The following HNRNPUL1 variants were observed in gnomAD, a reference collection of about 807,000 sequenced individuals.
HNRNPUL1 encodes heterogeneous nuclear ribonucleoprotein U like 1, also known as heterogeneous nuclear ribonucleoprotein U-like protein 1.
In HNRNPUL1, 14 loss-of-function variants were observed where a neutral mutation model predicts 108.5. That is an observed-to-expected ratio of 0.13 (90% CI 0.09 to 0.20). HNRNPUL1 has a LOEUF of 0.20. Ranked by LOEUF, HNRNPUL1 falls within the 10% of genes least tolerant of loss-of-function variation. The pLI is 1.00. For missense variants in HNRNPUL1, 804 were observed against 1,168.3 expected (o/e 0.69, Z 4.55); for synonymous variants, 422 against 445.2 (o/e 0.95, Z 0.66).
chr19:41,294,398 G>A lies in HNRNPUL1; in HGVS notation c.1327G>A (p.Ala443Thr), dbSNP rs1441063753. 3 of 1,613,998 alleles carry A rather than the reference G, an allele frequency of 1.9e-6. No homozygotes were observed. Among genetic ancestry groups the A allele is most frequent in the Admixed American group, 3.3e-5 (2 of 59,988 alleles). Residue 443 changes from alanine to threonine, a missense_variant, in exon 9 of 15, where the codon GCC (alanine) becomes ACC (threonine). Physicochemically the swap from Ala to Thr is moderately conservative, Grantham distance 58. This residue lies in a region of HNRNPUL1 where 80 missense variants were observed against 221.8 expected (regional missense o/e 0.36). Transcript: ENST00000392006. The surrounding 1 kb of genome is among the most constrained non-coding windows in gnomAD (Gnocchi z 4.3). ...GKTTWAIKHA[A>T]SNPSKKYNIL... ...GACCACATGGGCCATCAAACATGCA[G>A]CCTCCAACCCTTCCAAGAAGTACAA...
At position 41,292,177 on chromosome 19, in the gene HNRNPUL1, C is replaced by A. The variant is rs2036620085; in HGVS notation, c.1000-68C>A. 6.6e-7 allele frequency: 1 copy of A among 1,515,150 alleles called. No homozygotes were observed. The highest frequency in any genetic ancestry group is 2.3e-5 in the East Asian group (1 of 44,206). 93.9% of individuals were successfully genotyped at this position (1,515,150 alleles called of 1,614,324 possible). A position where few individuals can be genotyped will look rare whatever the true frequency, so the allele number is the denominator to read the frequency against. On this transcript the variant is annotated intron_variant, in intron 7 of 14. Transcript: ENST00000392006. The surrounding 1 kb of genome is among the most constrained non-coding windows in gnomAD (Gnocchi z 4.1). Reference sequence around the variant, plus strand: ...ACATTCTACTCCCTGCATCTACTGTCCTCACATTTGACTCCCAGTGCCTAT... The same window carrying A: ...ACATTCTACTCCCTGCATCTACTGTACTCACATTTGACTCCCAGTGCCTAT...
intron 10 of HNRNPUL1, among the ~76,000 whole-genome samples, chr19:41,298,068 C>T (rs962201943): frequency 2.0e-5 from 3 of 152,128 alleles, no homozygotes; most frequent in African/African-American, 7.2e-5. Flanking sequence ...CACTTTGCTC[C>T]TCAGATCTAG....
chr19:41,303,060 A>G, intron 12 of HNRNPUL1, 111 bp downstream of exon 12: 1 of 1,218,274 alleles, frequency 8.2e-7, no homozygotes, highest in East Asian at 2.5e-5. Context: ...GCTGTGAGTT[A>G]TACTCTGGTA....
intron 13 of HNRNPUL1, among the ~76,000 whole-genome samples, chr19:41,305,099 C>G (rs1037305993): frequency 3.3e-5 from 5 of 152,302 alleles, no homozygotes; most frequent in African/African-American, 1.2e-4. Flanking sequence ...GACCTGGGGT[C>G]AAGTCCTTTT....
chr19:41,293,473 C>G (rs2036706208), intron 8 of HNRNPUL1, among the ~76,000 whole-genome samples: 1 of 152,200 alleles, frequency 6.6e-6, no homozygotes, highest in Non-Finnish European at 1.5e-5. Context: ...GAACGTCATT[C>G]TTAATGGCCT....
intron 7 of HNRNPUL1, among the ~76,000 whole-genome samples, chr19:41,285,835 C>G (rs2036188687): frequency 1.3e-5 from 2 of 152,092 alleles, no homozygotes; most frequent in African/African-American, 4.8e-5. Context: ...CACCAACCCC[C>G]ATGCGGTCAA....
chr19:41,298,894 G>A (rs926747242), intron 10 of HNRNPUL1: 2 of 150,990 alleles, frequency 1.3e-5, no homozygotes, highest in African/African-American at 4.9e-5. Flanking sequence ...TGCCCTCGCA[G>A]TTCAGAGGAA....
intron 7 of HNRNPUL1, among the ~76,000 whole-genome samples, chr19:41,289,870 G>A (rs978929266): frequency 6.6e-6 from 1 of 151,918 alleles, no homozygotes; most frequent in Non-Finnish European, 1.5e-5. Context: ...TCGCCACCAT[G>A]ACCAGCTAAT....
rs2034984334 is a variant in HNRNPUL1 at position 41,268,314 on chromosome 19, G to A, written c.387G>A (p.Leu129=). 1.2e-6 allele frequency: 2 copies of A among 1,613,960 alleles called. No individual in the cohort carries two copies. The highest frequency in any genetic ancestry group is 8.5e-7 in the Non-Finnish European group (1 of 1,179,934). ...AGTCAGGCTACGAGAGGAGACCACT[G>A]GAAATGGAGCAGCAGCAGGCCTATC... ...ENESGYERRP[L]EMEQQQAYRP... Residue 129 remains leucine, a synonymous_variant, in exon 2 of 15, where the codon CTG becomes CTA. Transcript: ENST00000392006.
intron 5 of HNRNPUL1, 28 bp from the exon 6 acceptor site, chr19:41,279,049 C>T (rs2035749716): frequency 6.4e-7 from 1 of 1,563,214 alleles, no homozygotes; most frequent in Non-Finnish European, 8.8e-7. Flanking sequence ...GAGAAGCAAC[C>T]CTGAGCCCTT....
chr19:41,287,603 A>G (rs1250041771), intron 7 of HNRNPUL1, among the ~76,000 whole-genome samples: 1 of 151,960 alleles, frequency 6.6e-6, no homozygotes, highest in African/African-American at 2.4e-5. Context: ...TCTGTCACCC[A>G]ATCTGGAGTG....
At chr19:41,280,231 G>T (rs1189785143) in intron 6 of HNRNPUL1, among the ~76,000 whole-genome samples, 1 of 152,184 alleles carries the variant, frequency 6.6e-6, no homozygotes, top group Admixed American at 6.5e-5. Context: ...GGGTAACAAG[G>T]TGGAGGAGGA....
rs1179164932 is a variant in HNRNPUL1, at chr19:41,292,430, G to A, written c.1185G>A (p.Pro395=). 5.6e-6 allele frequency: 9 copies of A among 1,614,036 alleles called. No homozygotes were observed. Among genetic ancestry groups the A allele is most frequent in the Middle Eastern group, 1.6e-4 (1 of 6,084 alleles). ...CAGAGCCCTACTGTTCTGTCCTCCCGGGGTTTACCTTCATCCAGCACCTTC... is the reference window on the plus strand; with the variant it reads ...CAGAGCCCTACTGTTCTGTCCTCCCAGGGTTTACCTTCATCCAGCACCTTC... The part of the protein sequence containing the change: ...QRAEPYCSVL[P]GFTFIQHLPL... Residue 395 remains proline, a synonymous_variant, in exon 8 of 15, where the codon CCG becomes CCA. Coordinates refer to ENST00000392006, the MANE Select transcript of HNRNPUL1 (RefSeq NM_007040.6). The surrounding 1 kb of genome is among the most constrained non-coding windows in gnomAD (Gnocchi z 4.1).
intron 14 of HNRNPUL1, among the ~76,000 whole-genome samples, chr19:41,306,071 T>G (rs2037527708): frequency 1.3e-5 from 2 of 152,114 alleles, no homozygotes; most frequent in Admixed American, 1.3e-4. Flanking sequence ...CCCTCCACAG[T>G]CTAGCAAGTG....
At chr19:41,297,290 T>C (rs992492641) in intron 10 of HNRNPUL1, among the ~76,000 whole-genome samples, 6 of 152,076 alleles carry the variant, frequency 3.9e-5, no homozygotes, top group African/African-American at 1.4e-4. Flanking sequence ...TGGTGGGAAT[T>C]TGGGGAAGCT....
chr19:41,266,828 C>T (rs2034879089), intron 1 of HNRNPUL1, among the ~76,000 whole-genome samples: 1 of 152,064 alleles, frequency 6.6e-6, no homozygotes, highest in Non-Finnish European at 1.5e-5. Flanking sequence ...TTGGGGTAGG[C>T]AGTGGCCTAG....
chr19:41,281,102 GCCA>G, intron 6 of HNRNPUL1, 58 bp from the exon 7 acceptor site: 2 of 976,258 alleles, frequency 2.0e-6, no homozygotes, highest in Non-Finnish European at 3.3e-6. Context: ...GTATGTGGCA[GCCA>G]TTGAGGCTGT....
rs1232776442 is a variant in HNRNPUL1, at chr19:41,292,970, G to C, written c.1266+459G>C. Among the ~76,000 whole-genome samples the C allele has an allele frequency of 6.6e-6, 1 of 151,800 alleles. No individual in the cohort carries two copies. The highest frequency in any genetic ancestry group is 1.5e-5 in the Non-Finnish European group (1 of 67,982). On this transcript the variant is annotated intron_variant, in intron 8 of 14. Coordinates refer to ENST00000392006, the MANE Select transcript of HNRNPUL1 (RefSeq NM_007040.6). The surrounding 1 kb of genome is among the most constrained non-coding windows in gnomAD (Gnocchi z 4.1). ...AGTGATCCTCCCACCTCAGCTTCTC[G>C]AGTAGCTGGGACCACAGGTACATGC... is the stretch of plus-strand genomic sequence containing the variant.
At chr19:41,303,130 T>C (rs1206520700) in intron 12 of HNRNPUL1, among the ~76,000 whole-genome samples, 181 bp downstream of exon 12, 1 of 152,208 alleles carries the variant, frequency 6.6e-6, no homozygotes, top group Non-Finnish European at 1.5e-5. Flanking sequence ...TCCCACTCCC[T>C]GGACGCTGGT....
Sources: allele counts gnomAD v4.1 joint callset (sites outside exome capture counted in the v4.1 genomes callset), GRCh38; gene constraint gnomAD v4.1.1; regional missense constraint gnomAD v4.1.1; non-coding constraint Gnocchi (gnomAD v3.1); transcripts MANE v1.5; gene names NCBI Gene and HGNC (gene_info 2026-07-23, HGNC 2026-07-21).